The following SRSF11 variants were observed in gnomAD, a reference collection of about 807,000 sequenced individuals.
The protein encoded by SRSF11 is serine/arginine-rich splicing factor 11.
In SRSF11, 9 loss-of-function variants were observed where a neutral mutation model predicts 56.0. The ratio of observed to expected loss-of-function variants is 0.16; its 90% CI spans 0.10 to 0.28. The LOEUF (loss-of-function observed/expected upper bound fraction) is 0.28, where lower values mean the gene tolerates loss of function less well. Among genes scored for constraint, SRSF11 ranks in the 10% least tolerant of loss-of-function variants. The probability of loss-of-function intolerance (pLI) is 1.00; values close to 1 mark genes in which losing one functional copy is unlikely to be tolerated. For missense variants in SRSF11, 421 were observed against 600.7 expected (o/e 0.70, Z 3.13); for synonymous variants, 222 against 215.3 (o/e 1.03, Z -0.27).
intron 9 of SRSF11, 84 bp from the exon 10 acceptor site, chr1:70,249,868 C>G: frequency 1.4e-6 from 2 of 1,429,328 alleles, no homozygotes; most frequent in Non-Finnish European, 2.0e-6. Context: ...CCACATCTTT[C>G]ATTGTTAGAA....
intron 7 of SRSF11, among the ~76,000 whole-genome samples, chr1:70,240,163 A>G (rs979698949): frequency 6.6e-6 from 1 of 152,254 alleles, no homozygotes; most frequent in South Asian, 2.1e-4. Context: ...GAAGTGATTT[A>G]TGCATACTTT....
At chr1:70,236,319 C>G (rs927092894) in intron 5 of SRSF11, among the ~76,000 whole-genome samples, 1 of 148,786 alleles carries the variant, frequency 6.7e-6, no homozygotes, top group Non-Finnish European at 1.5e-5. Context: ...TTTTTTCTTT[C>G]TTCTTTCTTT....
At chr1:70,247,885 T>C (rs1164036552) in intron 9 of SRSF11, among the ~76,000 whole-genome samples, 1 of 152,102 alleles carries the variant, frequency 6.6e-6, no homozygotes, top group African/African-American at 2.4e-5. Context: ...AAAGGAGATA[T>C]GCAAATATCT....
rs756941691 is a variant in SRSF11, at chr1:70,234,698, T to G, written c.450T>G (p.Ile150Met). The change falls in exon 4 of 12, where the codon ATT (isoleucine) becomes ATG (methionine). Residue 150 changes from isoleucine to methionine, a missense_variant and splice_region_variant. Coordinates refer to ENST00000370949, the MANE Select transcript of SRSF11 (RefSeq NM_001350605.2). ...LLPTPNPLTQ[I>M]GAVPLAALGA... is the part of the protein sequence containing the mutation. ...AAATAAAATTTGCCATTTCACAGAT[T>G]GGCGCTGTTCCACTGGCTGCTTTGG... is the stretch of plus-strand genomic sequence containing the variant. The G allele has an allele frequency of 3.1e-6, 5 of 1,599,850 alleles. No individual in the cohort carries two copies. In the African/African-American group the frequency reaches 5.4e-5, roughly 17 times the overall value.
At chr1:70,243,154 G>C (rs1234956085) in intron 7 of SRSF11, among the ~76,000 whole-genome samples, 1 of 151,706 alleles carries the variant, frequency 6.6e-6, no homozygotes, top group Non-Finnish European at 1.5e-5. Flanking sequence ...GAGGAAAGAA[G>C]GACATCAATA....
chr1:70,212,244 T>C (rs1464744257), intron 1 of SRSF11, among the ~76,000 whole-genome samples: 1 of 152,156 alleles, frequency 6.6e-6, no homozygotes, highest in African/African-American at 2.4e-5. Flanking sequence ...TTTTAATTAA[T>C]TAATTAATTA....
chr1:70,248,408 C>T (rs1032847481), intron 9 of SRSF11: 5 of 151,930 alleles, frequency 3.3e-5, no homozygotes, highest in African/African-American at 4.8e-5. Context: ...ATGAAATGCC[C>T]AGAATAGGCA....
At chr1:70,230,936 A>G in intron 2 of SRSF11, 4 of 1,200,974 alleles carry the variant, frequency 3.3e-6, no homozygotes, top group Non-Finnish European at 4.2e-6. Flanking sequence ...CCCCTCCATA[A>G]CTCTTGGTAT....
At chr1:70,223,879 T>C (rs983099967) in intron 1 of SRSF11, among the ~76,000 whole-genome samples, 3 of 152,218 alleles carry the variant, frequency 2.0e-5, no homozygotes, top group African/African-American at 7.2e-5. Context: ...TAAAATTCTA[T>C]CTGTTGTGAA....
chr1:70,240,324 G>C, intron 7 of SRSF11, among the ~76,000 whole-genome samples: 1 of 152,232 alleles, frequency 6.6e-6, no homozygotes, highest in East Asian at 1.9e-4. Context: ...TTTACTGCAA[G>C]TGCATACAGA....
At chr1:70,216,635 C>T (rs1239207279), upstream of SRSF11, among the ~76,000 whole-genome samples, 1 of 151,800 alleles carries the variant, frequency 6.6e-6, no homozygotes, top group Non-Finnish European at 1.5e-5. Context: ...GGTTTCTTTG[C>T]GTTGCCAGGC....
At chr1:70,210,382 C>A (rs1383162107) in intron 1 of SRSF11, among the ~76,000 whole-genome samples, 1 of 152,070 alleles carries the variant, frequency 6.6e-6, no homozygotes, top group Non-Finnish European at 1.5e-5. Flanking sequence ...GTCTCAAACT[C>A]CCAGGCTCAA....
intron 1 of SRSF11, among the ~76,000 whole-genome samples, chr1:70,209,742 T>TC (rs1669380355): frequency 3.4e-5 from 3 of 87,422 alleles, no homozygotes; most frequent in African/African-American, 9.6e-5. Flanking sequence ...CCTCGCTTCT[T>TC]TTTTTTTTTT....
At chr1:70,217,504 T>C (rs190295289), upstream of SRSF11, among the ~76,000 whole-genome samples, 4 of 152,306 alleles carry the variant, frequency 2.6e-5, no homozygotes, top group African/African-American at 9.6e-5. Context: ...TGAAGTTTTA[T>C]GTTATCAGGG....
At chr1:70,209,776 T>G (rs1442872776) in intron 1 of SRSF11, among the ~76,000 whole-genome samples, 1 of 136,914 alleles carries the variant, frequency 7.3e-6, no homozygotes, top group Non-Finnish European at 1.6e-5. Flanking sequence ...TTTTTTTTTT[T>G]TTTGTAGAGA....
Position 70,250,934 on chromosome 1 carries a change from C to A in SRSF11, c.*129C>A. ...CTCTGAGTTATAAATGGTTATAAAG[C>A]TCCTGTTACTCATATTAGTTATTTA... On this transcript the variant is annotated 3_prime_UTR_variant, in exon 12 of 12. Transcript: ENST00000370949. 1.3e-6 allele frequency: 1 copy of A among 749,078 alleles called. No individual in the cohort carries two copies. Among genetic ancestry groups the A allele is most frequent in the Non-Finnish European group, 2.1e-6 (1 of 466,622 alleles). 46.4% of individuals were successfully genotyped at this position (749,078 alleles called of 1,614,324 possible).
chr1:70,244,613 T>A (rs985254255), intron 7 of SRSF11, 71 bp from the exon 8 acceptor site: 16 of 1,526,642 alleles, frequency 1.0e-5, no homozygotes, highest in Non-Finnish European at 1.4e-5. Flanking sequence ...ATCTTTTGTC[T>A]GATACTAAGC....
chr1:70,218,056 C>G (rs1363519261), upstream of SRSF11, among the ~76,000 whole-genome samples: 2 of 152,078 alleles, frequency 1.3e-5, no homozygotes, highest in African/African-American at 4.8e-5. Flanking sequence ...GGGACGCGAT[C>G]TCGGTTCACG....
rs559548811 is a variant in SRSF11 at position 70,211,036 on chromosome 1, G to A, written c.-26+5256G>A. ...TTATCGGTTCTTAAATCAGCTGGAA[G>A]TGTTTCCTATTATTCACAGTGATTA... On this transcript the variant is annotated intron_variant, in intron 1 of 12. Coordinates refer to the SRSF11 transcript ENST00000370950. 3.6e-3 allele frequency among the ~76,000 whole-genome samples: 546 copies of A among 152,290 alleles called. 6 individuals are homozygous for A. Among genetic ancestry groups the A allele is most frequent in the African/African-American group, 0.013 (524 of 41,566 alleles).
Sources: gnomAD v4.1 joint callset for allele counts (sites outside exome capture counted in the v4.1 genomes callset) on GRCh38, gnomAD v4.1.1 for gene constraint, MANE v1.5 for transcripts, NCBI Gene and HGNC (gene_info 2026-07-23, HGNC 2026-07-21) for gene names.